Variants in CNTNAP2 observed in about 807,000 individuals in gnomAD.
CNTNAP2 encodes the protein contactin associated protein 2, also known as contactin-associated protein-like 2.
In CNTNAP2, 98 loss-of-function variants were observed where a neutral mutation model predicts 155.2. The observed-to-expected ratio is 0.63, with a 90% CI of 0.54 to 0.75. CNTNAP2 has a LOEUF of 0.75. Ranked by LOEUF, CNTNAP2 falls within the 30% of genes least tolerant of loss-of-function variation. The probability of loss-of-function intolerance (pLI) is 0.00; values close to 1 mark genes in which losing one functional copy is unlikely to be tolerated. For synonymous variants in CNTNAP2, 651 were observed against 631.2 expected, an observed-to-expected ratio of 1.03 and a Z score of -0.47; for missense variants, 1,727 against 1,688.1, an observed-to-expected ratio of 1.02 and a Z score of -0.40.
chr7:148,099,854 CTT>C (rs758183945), intron 15 of CNTNAP2, among the ~76,000 whole-genome samples: 4 of 126,538 alleles, frequency 3.2e-5, no homozygotes, highest in African/African-American at 1.2e-4. Context: ...CTCCTCCCTC[CTT>C]TTTTTTTTTT....
At chr7:147,628,828 C>A (rs551172088) in intron 12 of CNTNAP2, among the ~76,000 whole-genome samples, 26 of 142,054 alleles carry the variant, frequency 1.8e-4, no homozygotes, top group Non-Finnish European at 3.0e-4. Context: ...AGTAGCTATT[C>A]TTCTACCAGG....
chr7:146,479,749 G>T (rs1796932065), intron 1 of CNTNAP2, among the ~76,000 whole-genome samples: 1 of 151,948 alleles, frequency 6.6e-6, no homozygotes, highest in Non-Finnish European at 1.5e-5. Flanking sequence ...ATGCAATTAA[G>T]TGGGTAGAAA....
At chr7:147,145,562 C>G (rs1166480617) in intron 8 of CNTNAP2, among the ~76,000 whole-genome samples, 1 of 152,114 alleles carries the variant, frequency 6.6e-6, no homozygotes, top group African/African-American at 2.4e-5. Flanking sequence ...GCCTAGACCT[C>G]CCACCCACCC....
At chr7:147,798,689 C>T (rs573978283) in intron 13 of CNTNAP2, among the ~76,000 whole-genome samples, 1 of 152,328 alleles carries the variant, frequency 6.6e-6, no homozygotes, top group African/African-American at 2.4e-5. Context: ...GGGTCACACA[C>T]TCATTCCTAA....
At chr7:146,492,225 G>C (rs1214612343) in intron 1 of CNTNAP2, among the ~76,000 whole-genome samples, 1 of 149,024 alleles carries the variant, frequency 6.7e-6, no homozygotes, top group Non-Finnish European at 1.5e-5. Context: ...GAGGGGGGCA[G>C]GAGGAGAGAG....
At chr7:146,236,429 G>A (rs748906922) in intron 1 of CNTNAP2, among the ~76,000 whole-genome samples, 120 of 152,066 alleles carry the variant, frequency 7.9e-4, no homozygotes, top group Non-Finnish European at 8.4e-4. Context: ...TGGGAAAATT[G>A]TCTTATATGA....
At chr7:147,407,639 T>A (rs1797032681) in intron 10 of CNTNAP2, among the ~76,000 whole-genome samples, 2 of 142,546 alleles carry the variant, frequency 1.4e-5, no homozygotes, top group African/African-American at 5.5e-5. Context: ...TAGGATCTCT[T>A]CTCCCAGAAC....
At chr7:147,223,388 A>G (rs991441912) in intron 8 of CNTNAP2, among the ~76,000 whole-genome samples, 2 of 152,170 alleles carry the variant, frequency 1.3e-5, no homozygotes, top group Non-Finnish European at 1.5e-5. Flanking sequence ...CCTAGGACTC[A>G]TGACAAAGCT....
At chr7:147,674,912 T>TC (rs1467192437) in intron 13 of CNTNAP2, among the ~76,000 whole-genome samples, 1 of 146,074 alleles carries the variant, frequency 6.8e-6, no homozygotes, top group African/African-American at 2.8e-5. Context: ...GATCAGCTCT[T>TC]TTTTTTTTCC....
intron 8 of CNTNAP2, among the ~76,000 whole-genome samples, chr7:147,191,366 A>G (rs1802677700): frequency 6.6e-6 from 1 of 152,220 alleles, no homozygotes; most frequent in Non-Finnish European, 1.5e-5. Flanking sequence ...ATGAGAAGAC[A>G]AAAGTAAGAT....
intron 1 of CNTNAP2, among the ~76,000 whole-genome samples, chr7:146,662,324 G>A (rs1800105635): frequency 1.4e-5 from 2 of 147,694 alleles, no homozygotes; most frequent in South Asian, 4.7e-4. Context: ...TTTTAGCAGA[G>A]ATGAGGTTTT....
intron 13 of CNTNAP2, among the ~76,000 whole-genome samples, chr7:147,800,988 G>T (rs771112275): frequency 3.9e-5 from 6 of 152,188 alleles, no homozygotes; most frequent in Admixed American, 6.5e-5. Context: ...GTGTAAGTAT[G>T]CTCTATGATG....
intron 21 of CNTNAP2, among the ~76,000 whole-genome samples, chr7:148,362,687 G>A (rs1202428657): frequency 6.6e-6 from 1 of 152,106 alleles, no homozygotes; most frequent in Non-Finnish European, 1.5e-5. Flanking sequence ...CTTAACAGGG[G>A]GACTTACTAC....
chr7:148,394,639 G>C (rs1195674775), intron 22 of CNTNAP2, among the ~76,000 whole-genome samples: 1 of 152,202 alleles, frequency 6.6e-6, no homozygotes, highest in African/African-American at 2.4e-5. Flanking sequence ...CTCTCTCCAA[G>C]TTGCGAAATG....
chr7:148,077,732 T>C (rs1803518558), intron 15 of CNTNAP2, among the ~76,000 whole-genome samples: 2 of 152,236 alleles, frequency 1.3e-5, no homozygotes, highest in South Asian at 2.1e-4. Context: ...ACCTGGCTAA[T>C]TGTAACTCTT....
At chr7:147,981,969 C>A (rs568746647) in intron 15 of CNTNAP2, among the ~76,000 whole-genome samples, 4 of 151,846 alleles carry the variant, frequency 2.6e-5, no homozygotes, top group Non-Finnish European at 5.9e-5. Context: ...ACTACACGTA[C>A]GCACCTAGAA....
chr7:148,227,652 G>A (rs1210997113), intron 19 of CNTNAP2, among the ~76,000 whole-genome samples: 1 of 152,210 alleles, frequency 6.6e-6, no homozygotes, highest in Admixed American at 6.5e-5. Context: ...AATTTAGATA[G>A]ATTTAGGAGA....
Position 147,121,002 on chromosome 7 carries a change from T to C in CNTNAP2, c.778T>C (p.Tyr260His), listed in dbSNP as rs376365253. 6.2e-6 allele frequency: 10 copies of C among 1,613,818 alleles called. No individual in the cohort carries two copies. The highest frequency in any genetic ancestry group is 8.5e-6 in the Non-Finnish European group (10 of 1,179,962). Residue 260 changes from tyrosine to histidine, a missense_variant, in exon 6 of 24, where the codon TAT becomes CAT. Coordinates refer to ENST00000361727, the MANE Select transcript of CNTNAP2 (RefSeq NM_014141.6). ...AGGAAGCAACCAGCTTGGCCCCATA[T>C]ATGGCCACACATCAGTGATGACAGG... ...NLGSNQLGPI[Y>H]GHTSVMTGSL...
At chr7:146,588,468 TAAACA>T (rs1022611380) in intron 1 of CNTNAP2, among the ~76,000 whole-genome samples, 8 of 152,072 alleles carry the variant, frequency 5.3e-5, no homozygotes, top group African/African-American at 1.9e-4. Flanking sequence ...ATACAGTCTT[TAAACA>T]AAACAAAATA....
Sources: allele counts gnomAD v4.1 joint callset (sites outside exome capture counted in the v4.1 genomes callset), GRCh38; gene constraint gnomAD v4.1.1; transcripts MANE v1.5; gene names NCBI Gene and HGNC (gene_info 2026-07-23, HGNC 2026-07-21).